ARHGAP22: variants seen among roughly 807,000 people sequenced by gnomAD.
The protein encoded by ARHGAP22 is Rho GTPase activating protein 22.
In ARHGAP22, 48 loss-of-function variants were observed where a neutral mutation model predicts 59.1. That is an observed-to-expected ratio of 0.81 (90% confidence interval 0.64 to 1.03). The LOEUF (loss-of-function observed/expected upper bound fraction) is 1.03, where lower values mean the gene tolerates loss of function less well. Among genes scored for constraint, ARHGAP22 ranks in the 50% least tolerant of loss-of-function variants. ARHGAP22 has a pLI of 0.00. For missense variants in ARHGAP22, 1,015 were observed against 958.7 expected (o/e 1.06, Z -0.78); for synonymous variants, 445 against 416.4 (o/e 1.07, Z -0.84).
At chr10:48,580,386 C>T (rs1329203722) in intron 2 of ARHGAP22, among the ~76,000 whole-genome samples, 2 of 152,148 alleles carry the variant, frequency 1.3e-5, no homozygotes, top group Non-Finnish European at 2.9e-5. Context: ...CCCAGGGCCA[C>T]TTCAAGGTTC....
chr10:48,585,532 C>T (rs1025141003), intron 1 of ARHGAP22, among the ~76,000 whole-genome samples: 2 of 152,226 alleles, frequency 1.3e-5, no homozygotes, highest in Non-Finnish European at 2.9e-5. Flanking sequence ...AATACTGAAT[C>T]TATCACTTTT....
intron 1 of ARHGAP22, among the ~76,000 whole-genome samples, chr10:48,627,534 C>A (rs760291914): frequency 1.3e-5 from 2 of 152,202 alleles, no homozygotes; most frequent in Non-Finnish European, 2.9e-5. Context: ...GTGGGCAGGG[C>A]CTGTCCCATT....
chr10:48,486,251 T>C (rs940857015), intron 3 of ARHGAP22, among the ~76,000 whole-genome samples: 5 of 152,070 alleles, frequency 3.3e-5, no homozygotes, highest in Admixed American at 1.3e-4. Context: ...TCCTGACCTT[T>C]TTTGCAATGT....
chr10:48,493,786 C>T, intron 3 of ARHGAP22: 1 of 626,032 alleles, frequency 1.6e-6, no homozygotes, highest in Non-Finnish European at 2.5e-6. Flanking sequence ...GTGCCTGCCA[C>T]CCTGTGCACT....
chr10:48,453,477 TCTC>T, intron 7 of ARHGAP22, 52 bp from the exon 8 acceptor site: 1 of 1,608,976 alleles, frequency 6.2e-7, no homozygotes, highest in Non-Finnish European at 8.5e-7. Context: ...TGATGCCCAG[TCTC>T]CTGTGTGCGG....
intron 3 of ARHGAP22, among the ~76,000 whole-genome samples, chr10:48,528,723 T>C (rs749251623): frequency 1.3e-5 from 2 of 152,156 alleles, no homozygotes; most frequent in Non-Finnish European, 2.9e-5. Context: ...AATGGCCTGG[T>C]GCCATCCCTG....
intron 1 of ARHGAP22, among the ~76,000 whole-genome samples, chr10:48,627,197 C>T (rs2061482168): frequency 6.6e-6 from 1 of 152,164 alleles, no homozygotes; most frequent in South Asian, 2.1e-4. Flanking sequence ...TGTCATTAAC[C>T]TGCAAATGTC....
intron 1 of ARHGAP22, among the ~76,000 whole-genome samples, chr10:48,618,308 A>T (rs2061159669): frequency 6.6e-6 from 1 of 152,100 alleles, no homozygotes; most frequent in Admixed American, 6.5e-5. Context: ...TATTCCAGAA[A>T]ATACAAGAGG....
chr10:48,585,628 C>A (rs537187930), intron 1 of ARHGAP22, among the ~76,000 whole-genome samples: 176 of 152,328 alleles, frequency 1.2e-3, no homozygotes, highest in African/African-American at 4.0e-3. Context: ...GAGGCCTCAT[C>A]TCTTCTCTCT....
intron 4 of ARHGAP22, among the ~76,000 whole-genome samples, chr10:48,469,228 A>T (rs888657793): frequency 2.0e-5 from 3 of 152,170 alleles, no homozygotes; most frequent in Non-Finnish European, 4.4e-5. Context: ...ACCCATTAGA[A>T]GGCTCCGGCA....
intron 3 of ARHGAP22, among the ~76,000 whole-genome samples, chr10:48,551,309 G>C (rs2056874853): frequency 6.6e-6 from 1 of 152,208 alleles, no homozygotes; most frequent in African/African-American, 2.4e-5. Flanking sequence ...GAAAGTCTGA[G>C]GGCCCATGTC....
intron 3 of ARHGAP22, chr10:48,546,589 G>A (rs2135195157): frequency 6.2e-6 from 1 of 160,504 alleles, no homozygotes; most frequent in Non-Finnish European, 1.4e-5. Context: ...GGCTCCGCTA[G>A]CTAACATGGC....
At chr10:48,608,679 C>T (rs1176173191), upstream of ARHGAP22, among the ~76,000 whole-genome samples, 1 of 152,186 alleles carries the variant, frequency 6.6e-6, no homozygotes, top group Non-Finnish European at 1.5e-5. Flanking sequence ...TCATGGGCAG[C>T]TCCCACCCTC....
chr10:48,483,102 A>G (rs1254439134), intron 3 of ARHGAP22, among the ~76,000 whole-genome samples: 1 of 152,030 alleles, frequency 6.6e-6, no homozygotes. Flanking sequence ...AAATGACACG[A>G]TTTCATTCCT....
At chr10:48,483,580 T>C (rs1384069201) in intron 3 of ARHGAP22, among the ~76,000 whole-genome samples, 1 of 151,494 alleles carries the variant, frequency 6.6e-6, no homozygotes, top group Non-Finnish European at 1.5e-5. Flanking sequence ...ATTTTTTTTG[T>C]GTTTTTTATA....
At chr10:48,610,682 G>A (rs1263618567) in intron 1 of ARHGAP22, among the ~76,000 whole-genome samples, 5 of 152,182 alleles carry the variant, frequency 3.3e-5, no homozygotes, top group African/African-American at 1.2e-4. Context: ...CAGGGATGGG[G>A]AGGAAGGTAT....
chr10:48,435,780 CA>C, the ARHGAP22 span: 2 of 152,186 alleles, frequency 1.3e-5, no homozygotes, highest in African/African-American at 4.8e-5. Context: ...GTGTATTCTA[CA>C]AATTTGTGGC....
upstream of ARHGAP22, among the ~76,000 whole-genome samples, chr10:48,609,587 G>A (rs2060802383): frequency 6.6e-6 from 1 of 152,112 alleles, no homozygotes; most frequent in Non-Finnish European, 1.5e-5. Context: ...TTCATAGTTG[G>A]TCCTCTTCAT....
At chr10:48,532,601 A>G (rs1203156312) in intron 3 of ARHGAP22, 1 of 151,722 alleles carries the variant, frequency 6.6e-6, no homozygotes, top group African/African-American at 2.4e-5. Context: ...CTCTTCATTT[A>G]CATTAGGTAT....
Sources: allele counts gnomAD v4.1 joint callset (sites outside exome capture counted in the v4.1 genomes callset), GRCh38; gene constraint gnomAD v4.1.1; transcripts MANE v1.5; gene names NCBI Gene and HGNC (gene_info 2026-07-23, HGNC 2026-07-21).